The following ANKS1B variants were observed in gnomAD, a reference collection of about 807,000 sequenced individuals.
ANKS1B encodes the protein ankyrin repeat and sterile alpha motif domain containing 1B.
Under a neutral mutation model 148.3 loss-of-function variants are expected in ANKS1B, and 36 were observed. The ratio of observed to expected loss-of-function variants is 0.24; its 90% CI spans 0.19 to 0.32. ANKS1B has a LOEUF of 0.32. Ranked by LOEUF, ANKS1B falls within the 10% of genes least tolerant of loss-of-function variation. ANKS1B has a pLI of 1.00. For missense variants in ANKS1B, 1,157 were observed against 1,542.6 expected (o/e 0.75, Z 4.19); for synonymous variants, 542 against 560.8 (o/e 0.97, Z 0.47).
At chr12:99,116,790 C>T (rs769605727) in intron 15 of ANKS1B, among the ~76,000 whole-genome samples, 1 of 152,044 alleles carries the variant, frequency 6.6e-6, no homozygotes, top group African/African-American at 2.4e-5. Context: ...TTACTTTGAG[C>T]CATATAGTCA....
At chr12:99,085,475 A>G (rs778079846) in intron 15 of ANKS1B, among the ~76,000 whole-genome samples, 15 of 152,208 alleles carry the variant, frequency 9.9e-5, no homozygotes, top group Non-Finnish European at 1.8e-4. Context: ...ATATGAATGA[A>G]TCATTTTTCC....
intron 17 of ANKS1B, among the ~76,000 whole-genome samples, chr12:98,996,254 T>A (rs2099929504): frequency 6.6e-6 from 1 of 152,156 alleles, no homozygotes; most frequent in African/African-American, 2.4e-5. Context: ...ATTACTGTCA[T>A]CATCGTGAAG....
chr12:99,917,455 A>G (rs979134043), intron 1 of ANKS1B, among the ~76,000 whole-genome samples: 8 of 152,226 alleles, frequency 5.3e-5, no homozygotes, highest in African/African-American at 1.4e-4. Flanking sequence ...TAATCTAGCT[A>G]TTGACAGTGC....
intron 9 of ANKS1B, chr12:99,648,754 T>C: frequency 6.2e-7 from 1 of 1,613,358 alleles, no homozygotes; most frequent in South Asian, 1.1e-5. Context: ...CACATTGGAC[T>C]CATCTGTGTT....
rs1433196413 is a variant in ANKS1B, at chr12:98,800,977, C to A, written c.3270+20G>T. ...CCCTATCTCCACTTAGGCCCAAATACTGAATTGAGGGTAACTTACAAAAGC... is the reference window on the plus strand; with the variant it reads ...CCCTATCTCCACTTAGGCCCAAATAATGAATTGAGGGTAACTTACAAAAGC... On this transcript the variant is annotated intron_variant, in intron 21 of 26. Coordinates refer to ENST00000683438, the MANE Select transcript of ANKS1B (RefSeq NM_001352186.2). The A allele has an allele frequency of 1.2e-6, 2 of 1,607,542 alleles. No homozygotes were observed. Among genetic ancestry groups the A allele is most frequent in the Non-Finnish European group, 1.7e-6 (2 of 1,176,416 alleles).
At chr12:98,943,504 A>G (rs572720030) in intron 17 of ANKS1B, among the ~76,000 whole-genome samples, 37 of 152,210 alleles carry the variant, frequency 2.4e-4, no homozygotes, top group African/African-American at 8.9e-4. Context: ...GCTCTAGGAG[A>G]GAGTCCATTT....
intron 8 of ANKS1B, among the ~76,000 whole-genome samples, chr12:99,717,854 A>C (rs1267469268): frequency 1.3e-5 from 2 of 151,064 alleles, no homozygotes; most frequent in Non-Finnish European, 2.9e-5. Flanking sequence ...CAGGCTTCTA[A>C]ACCTCTTAAA....
intron 17 of ANKS1B, chr12:98,976,586 A>G (rs1396290607): frequency 6.6e-6 from 1 of 152,196 alleles, no homozygotes; most frequent in African/African-American, 2.4e-5. Context: ...TACCCACTCA[A>G]CTGCAGGTGC....
intron 17 of ANKS1B, among the ~76,000 whole-genome samples, chr12:99,004,554 C>A (rs2099934995): frequency 2.0e-5 from 3 of 151,908 alleles, no homozygotes. Context: ...CCAAGGCAAC[C>A]CAAGATAACT....
At chr12:99,468,596 C>G (rs926206371) in intron 10 of ANKS1B, among the ~76,000 whole-genome samples, 1 of 151,714 alleles carries the variant, frequency 6.6e-6, no homozygotes, top group South Asian at 2.1e-4. Flanking sequence ...TTTACAAGAA[C>G]AAAACAAACA....
intron 14 of ANKS1B, among the ~76,000 whole-genome samples, chr12:99,179,658 A>G (rs1013747476): frequency 6.6e-6 from 1 of 152,002 alleles, no homozygotes; most frequent in African/African-American, 2.4e-5. Context: ...CAAAGAGCAG[A>G]CTCCTAATTA....
intron 15 of ANKS1B, among the ~76,000 whole-genome samples, chr12:99,115,981 T>G (rs1000291844): frequency 2.0e-5 from 3 of 151,432 alleles, no homozygotes; most frequent in African/African-American, 7.3e-5. Context: ...ATTGCCTGTG[T>G]GGAATCCTGG....
At chr12:99,448,542 T>C (rs1205267799) in intron 10 of ANKS1B, among the ~76,000 whole-genome samples, 1 of 152,100 alleles carries the variant, frequency 6.6e-6, no homozygotes, top group Non-Finnish European at 1.5e-5. Flanking sequence ...ATGTATTGTA[T>C]TCTTTAAAAG....
At chr12:99,662,953 T>C (rs1231941674) in intron 8 of ANKS1B, among the ~76,000 whole-genome samples, 1 of 152,118 alleles carries the variant, frequency 6.6e-6, no homozygotes, top group African/African-American at 2.4e-5. Context: ...ATGCAAGCAA[T>C]TTCACACTAG....
chr12:99,500,098 C>T (rs776429451), intron 10 of ANKS1B, among the ~76,000 whole-genome samples: 6 of 152,126 alleles, frequency 3.9e-5, no homozygotes, highest in Non-Finnish European at 1.5e-5. Context: ...TCTCTCTCTG[C>T]AGTGTTTTAC....
rs143223398 is a variant in ANKS1B, at chr12:99,744,243, A to T, written c.1128+28679T>A. 8.5e-5 allele frequency among the ~76,000 whole-genome samples: 13 copies of T among 152,334 alleles called. No individual in the cohort carries two copies. In the East Asian group the frequency reaches 2.5e-3, roughly 29 times the overall value. ...TTACTTAAAAAATTCATACTAATAG[A>T]TTAATTTCTCCTTTTTGAGAGTCAA... On this transcript the variant is annotated intron_variant, in intron 8 of 26. Transcript: ENST00000683438.
chr12:98,903,787 G>A (rs1187931137), intron 17 of ANKS1B, among the ~76,000 whole-genome samples: 4 of 152,202 alleles, frequency 2.6e-5, no homozygotes, highest in Non-Finnish European at 5.9e-5. Context: ...CCTCCCCTCT[G>A]ATGTTTGAAT....
intron 17 of ANKS1B, among the ~76,000 whole-genome samples, chr12:98,946,877 C>T (rs1055317778): frequency 7.4e-6 from 1 of 135,008 alleles, no homozygotes; most frequent in Non-Finnish European, 1.5e-5. Context: ...GAGTTCGAGA[C>T]GGCAGTGAGC....
At chr12:99,173,417 T>C (rs1467869719) in intron 14 of ANKS1B, among the ~76,000 whole-genome samples, 4 of 152,226 alleles carry the variant, frequency 2.6e-5, no homozygotes, top group African/African-American at 9.6e-5. Context: ...TAAAGTGGGA[T>C]AAATTTTCAG....
Sources: gnomAD v4.1 joint callset for allele counts (sites outside exome capture counted in the v4.1 genomes callset) on GRCh38, gnomAD v4.1.1 for gene constraint, MANE v1.5 for transcripts, NCBI Gene and HGNC (gene_info 2026-07-23, HGNC 2026-07-21) for gene names.